VRK3: variants seen among roughly 807,000 people sequenced by gnomAD.
VRK3 encodes serine/threonine-protein kinase VRK3.
A neutral mutation model predicts 60.4 loss-of-function variants in VRK3; 50 were observed. The ratio of observed to expected loss-of-function variants is 0.83; its 90% CI spans 0.66 to 1.05. VRK3 has a LOEUF of 1.05. Ranked by LOEUF, VRK3 falls within the 50% of genes least tolerant of loss-of-function variation. The probability of loss-of-function intolerance (pLI) is 0.00; values close to 1 mark genes in which losing one functional copy is unlikely to be tolerated. For synonymous variants in VRK3, 246 were observed against 227.8 expected, an observed-to-expected ratio of 1.08 and a Z score of -0.72; for missense variants, 549 against 585.3, an observed-to-expected ratio of 0.94 and a Z score of 0.64.
At chr19:50,024,622 C>T (rs1438681597) in intron 1 of VRK3, among the ~76,000 whole-genome samples, 1 of 152,136 alleles carries the variant, frequency 6.6e-6, no homozygotes, top group Non-Finnish European at 1.5e-5. Context: ...TGAACAGTGC[C>T]TATTAGACTA....
intron 7 of VRK3, 112 bp from the exon 8 acceptor site, chr19:49,995,387 T>G (rs2076684876): frequency 1.1e-6 from 1 of 893,392 alleles, no homozygotes; most frequent in Non-Finnish European, 1.8e-6. Context: ...CCAAGTCTCC[T>G]TGTTGGAGGT....
chr19:49,997,396 C>T, intron 7 of VRK3, 108 bp downstream of exon 7: 2 of 1,277,358 alleles, frequency 1.6e-6, no homozygotes, highest in East Asian at 2.5e-5. Context: ...AAACCTGGGC[C>T]TTTAATCTAA....
chr19:50,014,603 C>T (rs1600717961), intron 3 of VRK3, among the ~76,000 whole-genome samples: 1 of 151,096 alleles, frequency 6.6e-6, no homozygotes, highest in South Asian at 2.1e-4. Flanking sequence ...AAAAACAAAA[C>T]CTGAAGGCAG....
chr19:49,995,011 G>T, intron 8 of VRK3, 92 bp from the exon 9 acceptor site: 9 of 1,344,070 alleles, frequency 6.7e-6, no homozygotes, highest in Non-Finnish European at 9.3e-6. Flanking sequence ...GGGCTGCAAG[G>T]TCCTGGTCCC....
Position 50,024,239 on chromosome 19 carries a change from A to G in VRK3, c.-65+1028T>C, listed in dbSNP as rs149486574. ...AGGCGGGAGCCACCGTGCCCAGCCAAATTTTTTGGATTTTAGAACCTATTA... is the reference window on the plus strand; with the variant it reads ...AGGCGGGAGCCACCGTGCCCAGCCAGATTTTTTGGATTTTAGAACCTATTA... On this transcript the variant is annotated intron_variant, in intron 1 of 14. Transcript: ENST00000316763. 1.6e-4 allele frequency among the ~76,000 whole-genome samples: 25 copies of G among 152,278 alleles called. No individual in the cohort carries two copies. The East Asian group carries it at 4.8e-3, about 29-fold the overall frequency.
intron 14 of VRK3, 128 bp downstream of exon 14, chr19:49,978,955 T>C: frequency 1.0e-6 from 1 of 996,462 alleles, no homozygotes; most frequent in Non-Finnish European, 1.4e-6. Context: ...AAAAACCCAG[T>C]GTCTCCCTGG....
At chr19:50,018,935 G>A (rs1352605794) in intron 2 of VRK3, 1 of 151,972 alleles carries the variant, frequency 6.6e-6, no homozygotes, top group Non-Finnish European at 1.5e-5. Context: ...GGAGGCCGAG[G>A]CGGGCGGATC....
In VRK3 at chr19:49,988,443, C is replaced by T. The variant is rs1202201130; in HGVS notation, c.1146G>A (p.Lys382=). ...TCCATGGCAGAAACCCGTAGAGCCA[C>T]TTCAGCATGCAGTAGCCCAGGCTCT... ...DLQSLGYCML[K]WLYGFLPWTN... Residue 382 remains lysine (K), a synonymous_variant, in exon 12 of 15, where the codon AAG becomes AAA. Transcript: ENST00000316763. 6.2e-7 allele frequency: 1 copy of T among 1,613,846 alleles called. No homozygotes were observed. The highest frequency in any genetic ancestry group is 1.7e-5 in the Admixed American group (1 of 60,028).
In VRK3 at chr19:50,021,334, C is replaced by G. The variant is rs60684186; in HGVS notation, c.-64-687G>C. On this transcript the variant is annotated intron_variant, in intron 1 of 14. Coordinates refer to ENST00000316763, the MANE Select transcript of VRK3 (RefSeq NM_016440.4). Reference sequence around the variant, plus strand: ...GGATCTCGGCAGAGCTGTGACTGCTCCTACCAATAGAGGACCGGCAGCAGT... The same window carrying G: ...GGATCTCGGCAGAGCTGTGACTGCTGCTACCAATAGAGGACCGGCAGCAGT... 7.0e-4 allele frequency among the ~76,000 whole-genome samples: 107 copies of G among 152,298 alleles called. 1 individual carries two copies. In the East Asian group the frequency reaches 0.019, roughly 27 times the overall value.
intron 1 of VRK3, among the ~76,000 whole-genome samples, chr19:50,022,805 A>C (rs1212041090): frequency 6.6e-6 from 1 of 151,910 alleles, no homozygotes; most frequent in African/African-American, 2.4e-5. Flanking sequence ...TAAATAAACA[A>C]ATAAATAAAT....
intron 9 of VRK3, among the ~76,000 whole-genome samples, chr19:49,993,820 C>T (rs2076653916): frequency 6.6e-6 from 1 of 152,126 alleles, no homozygotes; most frequent in Non-Finnish European, 1.5e-5. Flanking sequence ...TATAGACTCT[C>T]CACCCCCGGG....
chr19:49,997,738 C>T lies in VRK3; in HGVS notation c.613-168G>A, dbSNP rs369982580. On this transcript the variant is annotated intron_variant, in intron 6 of 14. Coordinates refer to ENST00000316763, the MANE Select transcript of VRK3 (RefSeq NM_016440.4). The stretch of plus-strand genomic sequence containing the variant: ...GCACACAAACACACATCAGAGACTG[C>T]GAGCTACCTTGCTGTACCCAGGTTC... The T allele has an allele frequency of 6.4e-6, 4 of 623,274 alleles. No individual in the cohort carries two copies. The Admixed American group carries it at 9.1e-5, about 14-fold the overall frequency. The allele number at this position is 623,274 out of a possible 1,614,324, so 38.6% of individuals were successfully genotyped here.
chr19:49,986,606 AG>A (rs1473824384), intron 12 of VRK3: 3 of 152,472 alleles, frequency 2.0e-5, no homozygotes, highest in Admixed American at 2.0e-4. Context: ...GGTTGAGAGA[AG>A]GAAGTTGGGA....
At chr19:49,987,323 T>C (rs11882531) in intron 12 of VRK3, among the ~76,000 whole-genome samples, 7,957 of 151,966 alleles carry the variant, frequency 0.052, 676 homozygotes, top group African/African-American at 0.18. Flanking sequence ...AGCACTTCCC[T>C]TTTGTGTCCC....
chr19:49,985,375 T>C (rs572017457), intron 12 of VRK3, among the ~76,000 whole-genome samples: 37 of 152,330 alleles, frequency 2.4e-4, no homozygotes, highest in Non-Finnish European at 4.4e-4. Context: ...CATGCAGAGG[T>C]TGCCTGCGGA....
intron 12 of VRK3, chr19:49,981,673 G>A: frequency 1.0e-6 from 1 of 988,822 alleles, no homozygotes; most frequent in Non-Finnish European, 1.2e-6. Context: ...AAGACGGAGA[G>A]GATCCCTTTG....
chr19:50,007,025 C>T (rs540631706), intron 5 of VRK3, among the ~76,000 whole-genome samples: 1 of 152,226 alleles, frequency 6.6e-6, no homozygotes, highest in Non-Finnish European at 1.5e-5. Flanking sequence ...CCCCCAAGCA[C>T]GATGAAACAC....
At chr19:49,979,923 G>A (rs562509146) in intron 13 of VRK3, among the ~76,000 whole-genome samples, 106 of 152,088 alleles carry the variant, frequency 7.0e-4, no homozygotes, top group African/African-American at 2.3e-3. Flanking sequence ...GGTGGCGGGT[G>A]CCTGTAGTCC....
At position 49,978,772 on chromosome 19, in the gene VRK3, A is replaced by C. The variant is rs184427330; in HGVS notation, c.*11+311T>G. ...GAAGGGACAGAAGATGGCGAGAGAC[A>C]AACAACGTCTTGATGCTATTTTTGA... On this transcript the variant is annotated intron_variant, in intron 14 of 14. Coordinates refer to ENST00000316763, the MANE Select transcript of VRK3 (RefSeq NM_016440.4). The C allele has an allele frequency of 4.8e-4, 115 of 238,968 alleles. 1 individual carries two copies. Among genetic ancestry groups the C allele is most frequent in the African/African-American group, 2.3e-3 (102 of 44,134 alleles). The allele number at this position is 238,968 out of a possible 1,614,324, so 14.8% of individuals were successfully genotyped here.
Sources: allele counts gnomAD v4.1 joint callset (sites outside exome capture counted in the v4.1 genomes callset), GRCh38; gene constraint gnomAD v4.1.1; transcripts MANE v1.5; gene names NCBI Gene and HGNC (gene_info 2026-07-23, HGNC 2026-07-21).